USP34: variants seen among roughly 807,000 people sequenced by gnomAD.
The protein encoded by USP34 is ubiquitin specific peptidase 34, also known as ubiquitin carboxyl-terminal hydrolase 34.
In USP34, 70 loss-of-function variants were observed where a neutral mutation model predicts 460.3. The observed-to-expected ratio is 0.15, with a 90% CI of 0.13 to 0.19. The LOEUF is 0.19. Ranked by LOEUF, USP34 falls within the 10% of genes least tolerant of loss-of-function variation. The probability of loss-of-function intolerance (pLI) is 1.00; values close to 1 mark genes in which losing one functional copy is unlikely to be tolerated. For synonymous variants in USP34, 1,647 were observed against 1,405.3 expected (o/e 1.17, Z -3.85); for missense variants, 3,985 against 4,236.2 (o/e 0.94, Z 1.65).
chr2:61,395,642 C>T (rs1327892574), intron 3 of USP34, among the ~76,000 whole-genome samples: 2 of 149,176 alleles, frequency 1.3e-5, no homozygotes, highest in South Asian at 2.1e-4. Context: ...AAAAATTAGC[C>T]GGGCGCAGTG....
chr2:61,301,510 T>C (rs770989048), intron 27 of USP34, 56 bp from the exon 28 acceptor site: 4 of 1,465,138 alleles, frequency 2.7e-6, no homozygotes, highest in Non-Finnish European at 3.8e-6. Flanking sequence ...ACTTACTTGC[T>C]GATAAGAATA....
intron 3 of USP34, among the ~76,000 whole-genome samples, chr2:61,404,036 AAAG>A (rs948761275): frequency 6.0e-5 from 9 of 150,614 alleles, no homozygotes; most frequent in Middle Eastern, 6.9e-3. Context: ...AACAGTAAGG[AAAG>A]AAGGACAGAA....
intron 2 of USP34, among the ~76,000 whole-genome samples, chr2:61,406,516 T>C (rs1451950623): frequency 1.3e-5 from 2 of 152,064 alleles, no homozygotes; most frequent in African/African-American, 2.4e-5. Flanking sequence ...TTATTTAATA[T>C]AAGGAATTTT....
chr2:61,297,466 C>T (rs1419253885), intron 29 of USP34, among the ~76,000 whole-genome samples: 2 of 152,190 alleles, frequency 1.3e-5, no homozygotes, highest in East Asian at 1.9e-4. Context: ...AGTTCCAAAA[C>T]TTGCTAAGGC....
chr2:61,236,380 G>A lies in USP34; in HGVS notation c.6787C>T (p.His2263Tyr). The A allele has an allele frequency of 6.3e-7, 1 of 1,592,324 alleles. No homozygotes were observed. Among genetic ancestry groups the A allele is most frequent in the Non-Finnish European group, 8.5e-7 (1 of 1,171,134 alleles). ...TCTTGAAGAAACTGCATGTTATCAT[G>A]CCAAATCCACTGAAAATAAAAATGT... ...VSSELLEWIW[H>Y]DNMQFLQDKN... Residue 2263 changes from histidine (H) to tyrosine (Y), a missense_variant, in exon 54 of 80, where the codon CAT becomes TAT. His to Tyr is a moderately conservative substitution (Grantham distance 83, BLOSUM62 2). This residue lies in a region of USP34 where 604 missense variants were observed against 684.8 expected (regional missense o/e 0.88). Coordinates refer to ENST00000398571, the MANE Select transcript of USP34 (RefSeq NM_014709.4).
chr2:61,278,160 C>A lies in USP34; in HGVS notation c.5433+5G>T. Reference sequence around the variant, plus strand: ...ATAGAAACATTTGATTATCTTAACACTTACCTGTCCTTCCCTTGAAAATTT... The same window carrying A: ...ATAGAAACATTTGATTATCTTAACAATTACCTGTCCTTCCCTTGAAAATTT... On this transcript the variant is annotated splice_donor_5th_base_variant and intron_variant, in intron 41 of 79. Coordinates refer to ENST00000398571, the MANE Select transcript of USP34 (RefSeq NM_014709.4). 6.2e-7 allele frequency: 1 copy of A among 1,611,748 alleles called. No homozygotes were observed. Among genetic ancestry groups the A allele is most frequent in the Non-Finnish European group, 8.5e-7 (1 of 1,178,832 alleles).
At chr2:61,459,636 G>C (rs552603287) in intron 1 of USP34, among the ~76,000 whole-genome samples, 1 of 152,050 alleles carries the variant, frequency 6.6e-6, no homozygotes, top group African/African-American at 2.4e-5. Flanking sequence ...AATTAGCCGA[G>C]CGTGGTGGCA....
rs780424553 is a variant in USP34, at chr2:61,265,479, A to G, written c.5696T>C (p.Leu1899Pro). Residue 1899 changes from leucine (L) to proline (P), a missense_variant, in exon 43 of 80, where the codon CTT becomes CCT. Physicochemically the swap from Leu to Pro is moderately conservative, Grantham distance 98. Coordinates refer to ENST00000398571, the MANE Select transcript of USP34 (RefSeq NM_014709.4). ...AECRFVGLTN[L>P]GATCYLASTI... ...AGAAGCTAAGTAACAAGTAGCTCCAAGGTTAGTAAGGCCAACAAATCTACA... is the reference window on the plus strand; with the variant it reads ...AGAAGCTAAGTAACAAGTAGCTCCAGGGTTAGTAAGGCCAACAAATCTACA... 2 of 1,613,614 alleles carry G rather than the reference A, an allele frequency of 1.2e-6. No individual in the cohort carries two copies. Among genetic ancestry groups the G allele is most frequent in the African/African-American group, 2.7e-5 (2 of 74,920 alleles).
chr2:61,188,010 A>C lies in USP34; in HGVS notation c.*92T>G, dbSNP rs974017191. 6.6e-7 allele frequency: 1 copy of C among 1,516,462 alleles called. No homozygotes were observed. Among genetic ancestry groups the C allele is most frequent in the African/African-American group, 1.4e-5 (1 of 71,794 alleles). 93.9% of individuals were successfully genotyped at this position (1,516,462 alleles called of 1,614,324 possible). ...CCATTCAAGCAGAGAGCACTGGACAAACTGAAGCACAAAAACAAATAAGCA... is the reference window on the plus strand; with the variant it reads ...CCATTCAAGCAGAGAGCACTGGACACACTGAAGCACAAAAACAAATAAGCA... On this transcript the variant is annotated 3_prime_UTR_variant, in exon 80 of 80. Transcript: ENST00000398571.
intron 27 of USP34, among the ~76,000 whole-genome samples, chr2:61,308,462 CAT>C (rs1255994275): frequency 6.6e-6 from 1 of 151,854 alleles, no homozygotes; most frequent in African/African-American, 2.4e-5. Context: ...AAAAAAGAAA[CAT>C]AGAAAAGATA....
intron 2 of USP34, among the ~76,000 whole-genome samples, chr2:61,407,581 T>C (rs1226999289): frequency 6.6e-6 from 1 of 152,206 alleles, no homozygotes; most frequent in Non-Finnish European, 1.5e-5. Context: ...AAGTGTGAAT[T>C]TGAAGTACAG....
chr2:61,243,905 A>G, intron 51 of USP34, among the ~76,000 whole-genome samples: 1 of 151,668 alleles, frequency 6.6e-6, no homozygotes, highest in East Asian at 1.9e-4. Context: ...CATAACATCT[A>G]CAGATGCAAT....
At chr2:61,205,289 C>G (rs1055603132) in intron 72 of USP34, among the ~76,000 whole-genome samples, 2 of 152,138 alleles carry the variant, frequency 1.3e-5, no homozygotes, top group Non-Finnish European at 2.9e-5. Context: ...GCTGGCTGGA[C>G]TGATTCTCAA....
At chr2:61,275,212 G>C (rs1689335375) in intron 41 of USP34, among the ~76,000 whole-genome samples, 1 of 152,134 alleles carries the variant, frequency 6.6e-6, no homozygotes, top group Non-Finnish European at 1.5e-5. Context: ...CTGGGAGGTG[G>C]AGGTTGCAGT....
At chr2:61,256,980 A>T (rs754677204) in intron 46 of USP34, 30 bp from the exon 47 acceptor site, 1 of 1,438,372 alleles carries the variant, frequency 7.0e-7, no homozygotes, top group East Asian at 2.6e-5. Context: ...AATTAATAAA[A>T]ACTAGTAAAT....
rs990394944 is a variant in USP34 at position 61,334,064 on chromosome 2, A to T, written c.2745-93T>A. On this transcript the variant is annotated intron_variant, in intron 18 of 79. Coordinates refer to ENST00000398571, the MANE Select transcript of USP34 (RefSeq NM_014709.4). ...ATTTTAAATGCTAAAAGATTTAATGAATCTTGCATAGAGACATATTATTAC... is the reference window on the plus strand; with the variant it reads ...ATTTTAAATGCTAAAAGATTTAATGTATCTTGCATAGAGACATATTATTAC... The T allele has an allele frequency of 9.5e-6, 8 of 839,128 alleles. No individual in the cohort carries two copies. The African/African-American group carries it at 1.4e-4, about 15-fold the overall frequency. 52.0% of individuals were successfully genotyped at this position (839,128 alleles called of 1,614,324 possible).
intron 5 of USP34, among the ~76,000 whole-genome samples, chr2:61,389,382 T>C (rs1303760543): frequency 6.6e-6 from 1 of 152,232 alleles, no homozygotes; most frequent in Non-Finnish European, 1.5e-5. Flanking sequence ...AATCCTATTT[T>C]ATACAAGATA....
chr2:61,405,970 T>C lies in USP34; in HGVS notation c.290A>G (p.Glu97Gly), dbSNP rs774251587. 4.3e-6 allele frequency: 7 copies of C among 1,613,658 alleles called. No homozygotes were observed. Among genetic ancestry groups the C allele is most frequent in the Admixed American group, 1.7e-5 (1 of 59,930 alleles). ...TINIDSTWQD[E>G]SNQAEEPLNI... ...CAGTGGTTCTTCTGCTTGATTACTC[T>C]CATCTTGCCACGTGGAATCTATGTT... is the stretch of plus-strand genomic sequence containing the variant. The change falls in exon 3 of 80, where the codon GAG (glutamate) becomes GGG (glycine). Residue 97 changes from glutamate (E) to glycine (G), a missense_variant. Around this residue, in one of 14 missense-constraint regions of USP34, gnomAD observed 331 missense variants for 293.7 expected, o/e 1.13. Transcript: ENST00000398571.
chr2:61,305,104 T>A (rs1343409631), intron 27 of USP34, among the ~76,000 whole-genome samples: 1 of 152,106 alleles, frequency 6.6e-6, no homozygotes, highest in Non-Finnish European at 1.5e-5. Context: ...GGTGGGCCGA[T>A]CATGAGGTCA....
Sources: allele counts gnomAD v4.1 joint callset (sites outside exome capture counted in the v4.1 genomes callset), GRCh38; gene constraint gnomAD v4.1.1; regional missense constraint gnomAD v4.1.1; transcripts MANE v1.5; gene names NCBI Gene and HGNC (gene_info 2026-07-23, HGNC 2026-07-21).